The following AOPEP variants were observed in gnomAD, a reference collection of about 807,000 sequenced individuals.
AOPEP encodes aminopeptidase O.
Under a neutral mutation model 98.1 loss-of-function variants are expected in AOPEP, and 77 were observed. That is an observed-to-expected ratio of 0.78 (90% confidence interval 0.65 to 0.95). The LOEUF is 0.95. Among genes scored for constraint, AOPEP ranks in the 40% least tolerant of loss-of-function variants. The pLI, the probability that AOPEP is intolerant of heterozygous loss-of-function variation, is 0.00. For missense variants in AOPEP, 1,024 were observed against 1,024.7 expected, an observed-to-expected ratio of 1.00 and a Z score of 0.01; for synonymous variants, 346 against 365.3, an observed-to-expected ratio of 0.95 and a Z score of 0.60.
At position 94,928,424 on chromosome 9, in the gene AOPEP, G is replaced by GC. The variant is rs1444440366; in HGVS notation, c.1555dup (p.Leu519ProfsTer5). The GC allele has an allele frequency of 9.1e-6, 14 of 1,545,732 alleles. No homozygotes were observed. The highest frequency in any genetic ancestry group is 1.2e-5 in the Non-Finnish European group (14 of 1,146,122). ...GTGTCTGTGTGTCTGTGGCTGAGCA[G>GC]CTGGCCCCCTATGAGGCCCGGGAGC... On this transcript the variant is annotated frameshift_variant and splice_region_variant. Transcript: ENST00000375315. LOFTEE classifies it high-confidence loss of function.
chr9:95,119,277 C>T, the AOPEP span, among the ~76,000 whole-genome samples: 7 of 152,058 alleles, frequency 4.6e-5, no homozygotes, highest in South Asian at 2.1e-4. Context: ...CATATATTCT[C>T]GACACAAGTC....
chr9:94,934,157 G>A (rs1397542554), intron 7 of AOPEP, among the ~76,000 whole-genome samples: 5 of 152,030 alleles, frequency 3.3e-5, no homozygotes, highest in Admixed American at 2.0e-4. Context: ...GCTCCAAAAC[G>A]GAAATGTCCT....
At position 95,080,781 on chromosome 9, in the gene AOPEP, G is replaced by A. The variant is rs763857674; in HGVS notation, c.2319+1G>A. 6.2e-7 allele frequency: 1 copy of A among 1,610,734 alleles called. No homozygotes were observed. Among genetic ancestry groups the A allele is most frequent in the Non-Finnish European group, 8.5e-7 (1 of 1,176,934 alleles). ...GGAGAGGTTCCTTCAGGAGGATCAGGTAGGTGTCATCTTTCAGCAGATGGG... is the reference window on the plus strand; with the variant it reads ...GGAGAGGTTCCTTCAGGAGGATCAGATAGGTGTCATCTTTCAGCAGATGGG... On this transcript the variant is annotated splice_donor_variant, in intron 15 of 16. Transcript: ENST00000375315. LOFTEE classifies it high-confidence loss of function.
intron 13 of AOPEP, among the ~76,000 whole-genome samples, chr9:95,043,210 A>G (rs1026898886): frequency 1.3e-5 from 2 of 151,620 alleles, no homozygotes; most frequent in Non-Finnish European, 2.9e-5. Context: ...ATATGTGCAT[A>G]TGTATCTGTA....
chr9:95,107,715 G>A, the AOPEP span, among the ~76,000 whole-genome samples: 1 of 152,242 alleles, frequency 6.6e-6, no homozygotes, highest in East Asian at 1.9e-4. Flanking sequence ...GCTATATTGG[G>A]GGTCAGGGCG....
chr9:95,111,054 G>C, the AOPEP span: 1 of 1,475,288 alleles, frequency 6.8e-7, no homozygotes, highest in Non-Finnish European at 9.0e-7. Context: ...GCAAGCCCTG[G>C]CCGGGCTGCT....
intron 1 of AOPEP, among the ~76,000 whole-genome samples, chr9:94,746,852 C>T (rs1010399895): frequency 6.6e-6 from 1 of 152,064 alleles, no homozygotes; most frequent in Non-Finnish European, 1.5e-5. Context: ...TTTTTGTTTT[C>T]AATGTTCACA....
At chr9:94,971,377 A>G (rs1020090092) in intron 10 of AOPEP, among the ~76,000 whole-genome samples, 38 of 152,212 alleles carry the variant, frequency 2.5e-4, no homozygotes, top group African/African-American at 8.0e-4. Flanking sequence ...TTCAGCAGGT[A>G]TACCAGAATA....
At chr9:95,110,793 G>A in the AOPEP span, 97 of 1,120,282 alleles carry the variant, frequency 8.7e-5, 2 homozygotes, top group South Asian at 3.0e-3. Context: ...GCTTGCAAGG[G>A]AGGTGCCAAT....
intron 13 of AOPEP, among the ~76,000 whole-genome samples, chr9:95,020,454 A>C (rs568957636): frequency 6.6e-6 from 1 of 152,290 alleles, no homozygotes; most frequent in South Asian, 2.1e-4. Context: ...GTAATTCCAA[A>C]GAGCAGATAA....
At chr9:94,924,527 G>A (rs1780058386) in intron 6 of AOPEP, among the ~76,000 whole-genome samples, 1 of 152,232 alleles carries the variant, frequency 6.6e-6, no homozygotes, top group Non-Finnish European at 1.5e-5. Flanking sequence ...TCATGCTATA[G>A]CATACTCAAG....
chr9:95,054,511 A>C lies in AOPEP; in HGVS notation c.2116-6183A>C, dbSNP rs149578867. 4.0e-3 allele frequency among the ~76,000 whole-genome samples: 617 copies of C among 152,362 alleles called. 6 individuals carry two copies. The highest frequency in any genetic ancestry group is 4.9e-3 in the Non-Finnish European group (334 of 68,034). ...TATGCTTTTAACAAGAGTTAGGGGA[A>C]TAATAGCACGGGAACATTTGACACT... On this transcript the variant is annotated intron_variant, in intron 13 of 16. Transcript: ENST00000375315.
At position 95,045,019 on chromosome 9, in the gene AOPEP, A is replaced by C. The variant is rs1755940833; in HGVS notation, c.2116-15675A>C. On this transcript the variant is annotated intron_variant, in intron 13 of 16. Transcript: ENST00000375315. ...TGGCCCATTTTATATTCATGCTCAG[A>C]AACAGGGGTCTTTAGCCAGAAAGGG... Among the ~76,000 whole-genome samples the C allele has an allele frequency of 3.3e-5, 5 of 152,160 alleles. No individual in the cohort carries two copies. The South Asian group carries it at 1.0e-3, about 31-fold the overall frequency.
intron 2 of AOPEP, among the ~76,000 whole-genome samples, chr9:94,768,482 G>A (rs528811936): frequency 4.2e-4 from 64 of 152,228 alleles, no homozygotes; most frequent in Non-Finnish European, 7.2e-4. Context: ...AGGAAGACTA[G>A]CAAACACGTT....
chr9:95,130,139 C>T, the AOPEP span, among the ~76,000 whole-genome samples: 3 of 152,128 alleles, frequency 2.0e-5, no homozygotes, highest in African/African-American at 4.8e-5. Flanking sequence ...CTCTTGTGCC[C>T]GGTCCTTGAT....
intron 3 of AOPEP, among the ~76,000 whole-genome samples, chr9:94,783,183 C>G (rs557873749): frequency 6.6e-6 from 1 of 152,148 alleles, no homozygotes. Context: ...TTAGGTATCC[C>G]GTTAGCCAAC....
At chr9:94,807,269 G>A (rs1290396442) in intron 5 of AOPEP, among the ~76,000 whole-genome samples, 1 of 152,170 alleles carries the variant, frequency 6.6e-6, no homozygotes, top group Admixed American at 6.5e-5. Context: ...TTGTCAGATC[G>A]AGAAGTAGCA....
chr9:95,141,456 C>G, the AOPEP span, among the ~76,000 whole-genome samples: 30 of 149,356 alleles, frequency 2.0e-4, no homozygotes, highest in Non-Finnish European at 3.6e-4. Context: ...GCTGACTTTT[C>G]TTTGTTTAAA....
intron 13 of AOPEP, among the ~76,000 whole-genome samples, chr9:95,048,430 C>CCGGGG (rs1396475957): frequency 2.6e-5 from 4 of 151,244 alleles, no homozygotes; most frequent in African/African-American, 7.3e-5. Flanking sequence ...AGCGGCCCAT[C>CCGGGG]CGGGGCGGGG....
Sources: gnomAD v4.1 joint callset for allele counts (sites outside exome capture counted in the v4.1 genomes callset) on GRCh38, gnomAD v4.1.1 for gene constraint, MANE v1.5 for transcripts, NCBI Gene and HGNC (gene_info 2026-07-23, HGNC 2026-07-21) for gene names.